The following ADGRV1 variants were observed in gnomAD, a reference collection of about 807,000 sequenced individuals.
ADGRV1 encodes the protein G-protein coupled receptor 98.
Under a neutral mutation model 596.2 loss-of-function variants are expected in ADGRV1, and 359 were observed. That is an observed-to-expected ratio of 0.60 (90% CI 0.55 to 0.66). ADGRV1 has a LOEUF of 0.66. ADGRV1 is among the 30% of genes least tolerant of loss of function. The probability of loss-of-function intolerance (pLI) is 0.00; values close to 1 mark genes in which losing one functional copy is unlikely to be tolerated. For synonymous variants in ADGRV1, 2,681 were observed against 2,679.2 expected, an observed-to-expected ratio of 1.00 and a Z score of -0.02; for missense variants, 7,274 against 7,575.6, an observed-to-expected ratio of 0.96 and a Z score of 1.48.
chr5:90,829,039 C>T lies in ADGRV1; in HGVS notation c.16464C>T (p.Ile5488=). The change falls in exon 77 of 90, where the codon ATC becomes ATT. Residue 5488 remains isoleucine, a synonymous_variant. Transcript: ENST00000405460. ...GTGCCAGATTCGCACAGATTAAAATCTTAGAAAGTGATGAATCTCAAAGCC... is the reference window on the plus strand; with the variant it reads ...GTGCCAGATTCGCACAGATTAAAATTTTAGAAAGTGATGAATCTCAAAGCC... ...NNSARFAQIK[I]LESDESQSLV... The T allele has an allele frequency of 6.2e-7, 1 of 1,612,076 alleles. No individual in the cohort carries two copies. The highest frequency in any genetic ancestry group is 1.3e-5 in the African/African-American group (1 of 74,910).
At chr5:90,783,466 T>G (rs923872621) in intron 66 of ADGRV1, 141 bp downstream of exon 66, 2 of 660,642 alleles carry the variant, frequency 3.0e-6, no homozygotes, top group Non-Finnish European at 5.3e-6. Context: ...TTTGGGGTAC[T>G]AGGGGTAGGG....
intron 83 of ADGRV1, among the ~76,000 whole-genome samples, chr5:90,932,879 A>C (rs1775377787): frequency 6.6e-6 from 1 of 152,228 alleles, no homozygotes; most frequent in African/African-American, 2.4e-5. Flanking sequence ...ACAAGACTGT[A>C]TAAAAAGGAC....
chr5:90,694,505 C>A lies in ADGRV1; in HGVS notation c.7749C>A (p.Tyr2583Ter). 6.2e-7 allele frequency: 1 copy of A among 1,613,944 alleles called. No homozygotes were observed. Among genetic ancestry groups the A allele is most frequent in the Non-Finnish European group, 8.5e-7 (1 of 1,179,854 alleles). Residue 2583 changes from tyrosine (Y) to a stop codon, truncating the protein, a stop_gained, in exon 33 of 90, where the codon TAC becomes TAA. Transcript: ENST00000405460. LOFTEE classifies it high-confidence loss of function. ...ATGCCTTTGGAGTGTTTGTGATCTA[C>A]AATATTAGTCCCAATACTTCCGAAG... is the stretch of plus-strand genomic sequence containing the variant. ...NGDAFGVFVI[Y>*]NISPNTSEDG...
chr5:90,744,603 GTTAA>G (rs1204059020), intron 50 of ADGRV1, among the ~76,000 whole-genome samples: 14 of 152,176 alleles, frequency 9.2e-5, no homozygotes, highest in African/African-American at 2.9e-4. Context: ...GTGTAATATT[GTTAA>G]TTAAGAGTTT....
Position 90,674,102 on chromosome 5 carries a change from T to C in ADGRV1, c.4978T>C (p.Tyr1660His). The C allele has an allele frequency of 6.2e-7, 1 of 1,613,342 alleles. No homozygotes were observed. Residue 1660 changes from tyrosine to histidine, a missense_variant, in exon 23 of 90, where the codon TAT becomes CAT. Coordinates refer to ENST00000405460, the MANE Select transcript of ADGRV1 (RefSeq NM_032119.4). ...LDDDIPELNE[Y>H]FRVTLVSAIP... is the part of the protein sequence containing the mutation. ...TGATGATATTCCTGAACTTAATGAG[T>C]ATTTCCGTGTGACATTGGTTTCTGC... is the stretch of plus-strand genomic sequence containing the variant.
At chr5:90,993,333 G>A (rs1781128950) in intron 85 of ADGRV1, among the ~76,000 whole-genome samples, 1 of 151,312 alleles carries the variant, frequency 6.6e-6, no homozygotes, top group African/African-American at 2.4e-5. Context: ...TAGTTTTTGT[G>A]TTATTAGTAG....
chr5:90,655,325 G>C (rs1478708171), intron 20 of ADGRV1: 1 of 152,108 alleles, frequency 6.6e-6, no homozygotes, highest in African/African-American at 2.4e-5. Flanking sequence ...AGCTTCTTTT[G>C]CTCAGTATTG....
rs777451217 is a variant in ADGRV1 at position 90,653,272 on chromosome 5, C to T, written c.3698C>T (p.Pro1233Leu). The T allele has an allele frequency of 1.9e-6, 3 of 1,613,866 alleles. No homozygotes were observed. The highest frequency in any genetic ancestry group is 4.5e-5 in the East Asian group (2 of 44,880). Residue 1233 changes from proline (P) to leucine (L), a missense_variant, in exon 20 of 90, where the codon CCA becomes CTA. Physicochemically the swap from Pro to Leu is moderately conservative, Grantham distance 98 (BLOSUM62 -3). Coordinates refer to ENST00000405460, the MANE Select transcript of ADGRV1 (RefSeq NM_032119.4). ...ETNLQVTVMV[P>L]FNDDPFGVFI... ...AACCTCCAGGTGACAGTAATGGTTC[C>T]ATTCAATGATGATCCCTTTGGAGTT...
chr5:91,145,357 G>A (rs1344588978), intron 87 of ADGRV1, among the ~76,000 whole-genome samples: 2 of 152,304 alleles, frequency 1.3e-5, no homozygotes, highest in Non-Finnish European at 2.9e-5. Flanking sequence ...TTTGTTTCCC[G>A]ATCTAGCTTT....
intron 76 of ADGRV1, 142 bp from the exon 77 acceptor site, chr5:90,828,802 A>G (rs1469394035): frequency 2.2e-6 from 1 of 453,230 alleles, no homozygotes; most frequent in Non-Finnish European, 3.5e-6. Flanking sequence ...TAATTCCGTA[A>G]TTATACAGAA....
chr5:91,068,501 C>G (rs554092234), intron 85 of ADGRV1, among the ~76,000 whole-genome samples: 62 of 151,368 alleles, frequency 4.1e-4, no homozygotes, highest in African/African-American at 1.5e-3. Flanking sequence ...CTGAGTTAGG[C>G]CTTTAATAAT....
chr5:90,718,470 T>C (rs1232247641), intron 43 of ADGRV1: 4 of 152,198 alleles, frequency 2.6e-5, no homozygotes, highest in African/African-American at 9.6e-5. Flanking sequence ...ATGTTAGCTT[T>C]AGGCATTTTT....
At chr5:90,623,704 T>C (rs1764379175) in intron 5 of ADGRV1, among the ~76,000 whole-genome samples, 1 of 152,152 alleles carries the variant, frequency 6.6e-6, no homozygotes, top group African/African-American at 2.4e-5. Flanking sequence ...TGACCCACCA[T>C]GCCTTCCCCC....
intron 83 of ADGRV1, among the ~76,000 whole-genome samples, chr5:90,865,121 C>G (rs1767971067): frequency 6.6e-6 from 1 of 152,130 alleles, no homozygotes; most frequent in Non-Finnish European, 1.5e-5. Flanking sequence ...GTGCTGGATT[C>G]TAAGCAGAGG....
At position 90,864,593 on chromosome 5, in the gene ADGRV1, T is replaced by C. The variant is rs924543690; in HGVS notation, c.17856+736T>C. ...TCTCTGAAGGTCAAGAAAGTCTTCA[T>C]AGAGGAGATGATATTGAGCTGGGAC... On this transcript the variant is annotated intron_variant, in intron 83 of 89. Transcript: ENST00000405460. Among the ~76,000 whole-genome samples, 3 of 152,136 alleles carry C rather than the reference T, an allele frequency of 2.0e-5. No individual in the cohort carries two copies. The East Asian group carries it at 5.8e-4, about 29-fold the overall frequency.
chr5:90,855,723 A>G lies in ADGRV1; in HGVS notation c.17595-18A>G. The G allele has an allele frequency of 3.9e-6, 6 of 1,530,832 alleles. No individual in the cohort carries two copies. Among genetic ancestry groups the G allele is most frequent in the South Asian group, 1.3e-5 (1 of 75,368 alleles). 94.8% of individuals were successfully genotyped at this position (1,530,832 alleles called of 1,614,324 possible). Reference sequence around the variant, plus strand: ...TATTGATGAAAGAGGAAAAATGACTATTGTGTTTTTGCCCTAGCTGGTTGT... The same window carrying G: ...TATTGATGAAAGAGGAAAAATGACTGTTGTGTTTTTGCCCTAGCTGGTTGT... On this transcript the variant is annotated intron_variant, in intron 81 of 89. Transcript: ENST00000405460.
At position 90,823,544 on chromosome 5, in the gene ADGRV1, G is replaced by A. The variant is rs1763797712; in HGVS notation, c.16316G>A (p.Cys5439Tyr). 6.2e-7 allele frequency: 1 copy of A among 1,613,930 alleles called. No individual in the cohort carries two copies. Among genetic ancestry groups the A allele is most frequent in the South Asian group, 1.1e-5 (1 of 91,072 alleles). The change falls in exon 76 of 90, where the codon TGT becomes TAT. Residue 5439 changes from cysteine (C) to tyrosine (Y), a missense_variant. Physicochemically the swap from Cys to Tyr is radical, Grantham distance 194. Transcript: ENST00000405460. ...ELQSVSGTTT[C>Y]TMGQTKCFIS... ...CAGTCTGTGTCAGGGACCACAACCT[G>A]TACAATGGGTCAAACAAAATGCTTT...
chr5:90,783,127 A>G lies in ADGRV1; in HGVS notation c.13235A>G (p.Glu4412Gly). The change falls in exon 66 of 90, where the codon GAG becomes GGG. Residue 4412 changes from glutamate to glycine, a missense_variant. Physicochemically the swap from Glu to Gly is moderately conservative, Grantham distance 98. This residue lies in a region of ADGRV1 where 3,643 missense variants were observed against 3,809.2 expected (regional missense o/e 0.96). Transcript: ENST00000405460. ...TAATTCCAAGTTCCCATTACAGTGG[A>G]GGAAGATGTTGGGCTGATCATGATC... ...FDPKYTAFEV[E>G]EDVGLIMIPV... is the part of the protein sequence containing the mutation. 6.2e-7 allele frequency: 1 copy of G among 1,612,758 alleles called. No homozygotes were observed.
intron 87 of ADGRV1, among the ~76,000 whole-genome samples, chr5:91,132,819 G>A (rs1794323893): frequency 6.6e-6 from 1 of 152,194 alleles, no homozygotes. Flanking sequence ...ATGTGCAAAG[G>A]CACTGAGGTG....
Sources: gnomAD v4.1 joint callset for allele counts (sites outside exome capture counted in the v4.1 genomes callset) on GRCh38, gnomAD v4.1.1 for gene constraint, gnomAD v4.1.1 regional missense constraint, MANE v1.5 for transcripts, NCBI Gene and HGNC (gene_info 2026-07-23, HGNC 2026-07-21) for gene names.